Variants in RASA4B observed in about 807,000 individuals in gnomAD.
RASA4B encodes the protein RAS p21 protein activator 4B, also known as ras GTPase-activating protein 4B.
In RASA4B, 2 loss-of-function variants were observed where a neutral mutation model predicts 24.2. The observed-to-expected ratio is 0.08, with a 90% CI of 0.03 to 0.26. RASA4B has a LOEUF of 0.26. Among genes scored for constraint, RASA4B ranks in the 10% least tolerant of loss-of-function variants. The probability of loss-of-function intolerance (pLI) is 1.00; values close to 1 mark genes in which losing one functional copy is unlikely to be tolerated. For missense variants in RASA4B, 8 were observed against 277.2 expected (o/e 0.03, Z 6.90); for synonymous variants, 2 against 125.6 (o/e 0.02, Z 6.58).
chr7:102,504,744 A>G (rs1799439966), intron 5 of RASA4B, among the ~76,000 whole-genome samples: 1 of 145,234 alleles, frequency 6.9e-6, no homozygotes, highest in Non-Finnish European at 1.5e-5. Flanking sequence ...TCACGCCTGT[A>G]ATCCCAGTAC....
intron 8 of RASA4B, among the ~76,000 whole-genome samples, chr7:102,498,181 G>A (rs1799228037): frequency 7.1e-6 from 1 of 141,218 alleles, no homozygotes; most frequent in East Asian, 2.2e-4. Context: ...TTACAGGCAT[G>A]CGCCACCATA....
At chr7:102,498,296 C>T (rs1309993441) in intron 8 of RASA4B, among the ~76,000 whole-genome samples, 1 of 150,626 alleles carries the variant, frequency 6.6e-6, no homozygotes, top group African/African-American at 2.4e-5. Flanking sequence ...GAGTCCTGCT[C>T]TGTCACCCAG....
rs1798600410 is a variant in RASA4B at position 102,481,169 on chromosome 7, A to G, written c.*2423T>C. ...TTAATTACATTCACAATGTGTAGCC[A>G]TCACCACTATTTAGTTCAAAAATTT... is the stretch of plus-strand genomic sequence containing the variant. On this transcript the variant is annotated 3_prime_UTR_variant, in exon 21 of 21. Coordinates refer to ENST00000465829, the MANE Select transcript of RASA4B (RefSeq NM_001367767.2). Among the ~76,000 whole-genome samples the G allele has an allele frequency of 3.1e-5, 3 of 95,508 alleles. No homozygotes were observed. The highest frequency in any genetic ancestry group is 7.9e-5 in the Non-Finnish European group (3 of 38,042). 62.7% of individuals were successfully genotyped at this position (95,508 alleles called of 152,430 possible).
chr7:102,491,345 T>G (rs1798938668), intron 16 of RASA4B, among the ~76,000 whole-genome samples: 1 of 22,026 alleles, frequency 4.5e-5, no homozygotes, highest in African/African-American at 5.5e-5. Context: ...GCCTCGGAGG[T>G]GTGAGCTTTG....
At chr7:102,512,712 A>AG (rs1251075058) in intron 1 of RASA4B, among the ~76,000 whole-genome samples, 8 of 126,486 alleles carry the variant, frequency 6.3e-5, no homozygotes, top group African/African-American at 2.3e-4. Flanking sequence ...AGGGGGTGAG[A>AG]GAGGGGGGAG....
intron 16 of RASA4B, among the ~76,000 whole-genome samples, chr7:102,492,688 G>A (rs1274030187): frequency 6.5e-5 from 9 of 138,556 alleles, no homozygotes; most frequent in African/African-American, 1.0e-4. Context: ...TTTTTGAGAC[G>A]GAGTCTTGCT....
intron 1 of RASA4B, among the ~76,000 whole-genome samples, chr7:102,512,286 T>G (rs1586786405): frequency 7.8e-4 from 1 of 1,290 alleles, no homozygotes; most frequent in African/African-American, 2.3e-3. Context: ...GAGACAGGGA[T>G]GGGTAGAGAG....
chr7:102,480,376 T>G lies in RASA4B; in HGVS notation c.*3216A>C, dbSNP rs1798586455. Among the ~76,000 whole-genome samples, 1 of 150,198 alleles carries G rather than the reference T, an allele frequency of 6.7e-6. No homozygotes were observed. The highest frequency in any genetic ancestry group is 2.4e-5 in the African/African-American group (1 of 41,018). On this transcript the variant is annotated 3_prime_UTR_variant, in exon 21 of 21. Coordinates refer to ENST00000465829, the MANE Select transcript of RASA4B (RefSeq NM_001367767.2). The stretch of plus-strand genomic sequence containing the variant: ...CTTGGGGTTTCCCTGTTTGGAGCTC[T>G]CCAAGTTGAGAGTGCAGAGGAGTGT...
At chr7:102,513,015 C>T (rs1799756042) in intron 1 of RASA4B, among the ~76,000 whole-genome samples, 1 of 152,140 alleles carries the variant, frequency 6.6e-6, no homozygotes, top group Non-Finnish European at 1.5e-5. Flanking sequence ...CCCTGCCTCC[C>T]CCCAGAACAG....
chr7:102,489,758 T>C (rs1798854073), intron 17 of RASA4B, among the ~76,000 whole-genome samples: 1 of 143,606 alleles, frequency 7.0e-6, no homozygotes, highest in Admixed American at 7.2e-5. Flanking sequence ...TCTGGTTCCC[T>C]TCAAGTCACT....
chr7:102,498,260 A>C (rs868419240), intron 8 of RASA4B, among the ~76,000 whole-genome samples: 1,671 of 145,376 alleles, frequency 0.011, 1 homozygote, highest in African/African-American at 0.032. Flanking sequence ...CTTCTTCTTT[A>C]TTTATTTTTT....
Position 102,509,114 on chromosome 7 carries a change from T to TTTTA in RASA4B, c.298+484_298+485insTAAA, listed in dbSNP as rs59233460. On this transcript the variant is annotated intron_variant, in intron 4 of 20. Coordinates refer to ENST00000465829, the MANE Select transcript of RASA4B (RefSeq NM_001367767.2). Reference sequence around the variant, plus strand: ...GAGCCACCGTGCCCGGCCTTTTTTTTAAAAAAAAACTATATAAAAATTGTA... The same window carrying TTTTA: ...GAGCCACCGTGCCCGGCCTTTTTTTTTTTAAAAAAAAAACTATATAAAAATTGTA... Among the ~76,000 whole-genome samples the TTTTA allele has an allele frequency of 4.6e-3, 404 of 88,322 alleles. No homozygotes were observed. The East Asian group carries it at 0.054, about 12-fold the overall frequency. 57.9% of individuals were successfully genotyped at this position (88,322 alleles called of 152,430 possible).
In RASA4B at chr7:102,496,187, A is replaced by G. The variant is rs1799118728; in HGVS notation, c.1024T>C (p.Phe342Leu). The change falls in exon 11 of 21, where the codon TTC becomes CTC. Residue 342 changes from phenylalanine to leucine, a missense_variant. By Grantham distance (22) the Phe-to-Leu change is conservative. Coordinates refer to ENST00000465829, the MANE Select transcript of RASA4B (RefSeq NM_001367767.2). ...TTTGAGGCCAGAGAGTTGCTCCGGAACAGGGTGTTGGTCTCACCTACAAAC... is the reference window on the plus strand; with the variant it reads ...TTTGAGGCCAGAGAGTTGCTCCGGAGCAGGGTGTTGGTCTCACCTACAAAC... ...LSRTSETNTL[F>L]RSNSLASKSV... The G allele has an allele frequency of 6.2e-7, 1 of 1,613,560 alleles. No homozygotes were observed. Among genetic ancestry groups the G allele is most frequent in the African/African-American group, 1.3e-5 (1 of 74,932 alleles).
At chr7:102,492,679 T>TC (rs1211889617) in intron 16 of RASA4B, among the ~76,000 whole-genome samples, 5 of 144,506 alleles carry the variant, frequency 3.5e-5, no homozygotes, top group African/African-American at 1.2e-4. Context: ...TTTTTTTTTT[T>TC]TTTGAGACGG....
At chr7:102,498,074 T>C (rs1183542693) in intron 8 of RASA4B, among the ~76,000 whole-genome samples, 2 of 117,098 alleles carry the variant, frequency 1.7e-5, no homozygotes, top group African/African-American at 2.9e-5. Context: ...TTATTAACTA[T>C]TTTTTTTAGA....
intron 17 of RASA4B, among the ~76,000 whole-genome samples, chr7:102,489,790 T>TGC (rs1563669311): frequency 7.7e-6 from 1 of 129,946 alleles, no homozygotes; most frequent in African/African-American, 2.7e-5. Context: ...CTTTTTTTTT[T>TGC]TTTTTTTTTT....
chr7:102,494,151 A>C (rs1483181135), intron 14 of RASA4B, among the ~76,000 whole-genome samples, 182 bp from the exon 15 acceptor site: 3,799 of 130,842 alleles, frequency 0.029, 5 homozygotes, highest in African/African-American at 0.099. Context: ...GAGGATCATG[A>C]AGTTTGATGC....
rs2133292119 is a variant in RASA4B at position 102,480,035 on chromosome 7, T to C, written c.*3557A>G. Among the ~76,000 whole-genome samples the C allele has an allele frequency of 6.6e-6, 1 of 152,212 alleles. No individual in the cohort carries two copies. Among genetic ancestry groups the C allele is most frequent in the South Asian group, 2.1e-4 (1 of 4,822 alleles). ...TAATCCTCGCTCTACAATCATAACC[T>C]AGGAAACACCAGGCCATACAGAGAT... On this transcript the variant is annotated 3_prime_UTR_variant, in exon 21 of 21. Coordinates refer to ENST00000465829, the MANE Select transcript of RASA4B (RefSeq NM_001367767.2).
At position 102,480,309 on chromosome 7, in the gene RASA4B, G is replaced by A. The variant is rs988970843; in HGVS notation, c.*3283C>T. 6.6e-6 allele frequency among the ~76,000 whole-genome samples: 1 copy of A among 152,026 alleles called. No individual in the cohort carries two copies. Among genetic ancestry groups the A allele is most frequent in the Non-Finnish European group, 1.5e-5 (1 of 67,992 alleles). On this transcript the variant is annotated 3_prime_UTR_variant, in exon 21 of 21. Coordinates refer to ENST00000465829, the MANE Select transcript of RASA4B (RefSeq NM_001367767.2). ...AGGGTGGTGAGGTGGTGATCAGGGG[G>A]ACCCATGCTTCTGCTCAGGGGGTTG...
Sources: gnomAD v4.1 joint callset for allele counts (sites outside exome capture counted in the v4.1 genomes callset) on GRCh38, gnomAD v4.1.1 for gene constraint, MANE v1.5 for transcripts, NCBI Gene and HGNC (gene_info 2026-07-23, HGNC 2026-07-21) for gene names.